The following SUGCT variants were observed in gnomAD, a reference collection of about 807,000 sequenced individuals.
SUGCT encodes the protein succinyl-CoA:glutarate CoA-transferase.
In SUGCT, 41 loss-of-function variants were observed where a neutral mutation model predicts 55.0. The observed-to-expected ratio is 0.74, with a 90% confidence interval of 0.58 to 0.97. SUGCT has a LOEUF of 0.97. Ranked by LOEUF, SUGCT falls within the 50% of genes least tolerant of loss-of-function variation. The pLI is 0.00. For synonymous variants in SUGCT, 187 were observed against 200.4 expected (o/e 0.93, Z 0.56); for missense variants, 568 against 547.8 (o/e 1.04, Z -0.37).
chr7:40,802,642 C>G (rs547700557), intron 13 of SUGCT, among the ~76,000 whole-genome samples: 7 of 152,304 alleles, frequency 4.6e-5, no homozygotes, highest in Admixed American at 2.0e-4. Context: ...CAATTCTGTT[C>G]AAATGGTGGT....
chr7:40,895,526 A>C, the SUGCT span, among the ~76,000 whole-genome samples: 4 of 152,224 alleles, frequency 2.6e-5, no homozygotes, highest in East Asian at 7.7e-4. Flanking sequence ...CGTGGGATGC[A>C]AGGATAGTTC....
chr7:41,036,953 T>C, the SUGCT span, among the ~76,000 whole-genome samples: 1 of 152,236 alleles, frequency 6.6e-6, no homozygotes, highest in South Asian at 2.1e-4. Flanking sequence ...TCACAGACTC[T>C]AACTCAGATG....
the SUGCT span, among the ~76,000 whole-genome samples, chr7:40,909,406 G>A: frequency 6.6e-6 from 1 of 152,148 alleles, no homozygotes; most frequent in African/African-American, 2.4e-5. Flanking sequence ...TCACCCCGGG[G>A]TTCGCTAGGC....
intron 11 of SUGCT, 128 bp from the exon 12 acceptor site, chr7:40,496,156 A>T (rs1791959829): frequency 3.3e-6 from 2 of 604,062 alleles, no homozygotes; most frequent in Admixed American, 5.9e-5. Context: ...CTCTCAAATG[A>T]GGTGTAAAGA....
intron 9 of SUGCT, among the ~76,000 whole-genome samples, chr7:40,414,917 C>T (rs75665599): frequency 6.6e-6 from 1 of 151,600 alleles, no homozygotes; most frequent in South Asian, 2.1e-4. Context: ...TGTTGGCAGG[C>T]GCCCATAATC....
At chr7:40,836,708 C>G (rs1362665717) in intron 13 of SUGCT, among the ~76,000 whole-genome samples, 1 of 152,132 alleles carries the variant, frequency 6.6e-6, no homozygotes, top group Non-Finnish European at 1.5e-5. Context: ...TTATACTGCA[C>G]GTAACTTCTT....
intron 6 of SUGCT, among the ~76,000 whole-genome samples, chr7:40,218,547 G>A (rs1477674913): frequency 6.6e-6 from 1 of 152,178 alleles, no homozygotes; most frequent in African/African-American, 2.4e-5. Flanking sequence ...GCACCAATCA[G>A]CGCTCTGTGT....
Position 40,443,826 on chromosome 7 carries a change from T to C in SUGCT, c.817-5461T>C, listed in dbSNP as rs185499524. Among the ~76,000 whole-genome samples, 1,445 of 152,134 alleles carry C rather than the reference T, an allele frequency of 9.5e-3. 20 individuals carry two copies. The highest frequency in any genetic ancestry group is 0.033 in the African/African-American group (1,373 of 41,542). On this transcript the variant is annotated intron_variant, in intron 9 of 13. Coordinates refer to ENST00000335693, the MANE Select transcript of SUGCT (RefSeq NM_001193313.2). ...CCTATGTCCTGAATGGTATTGCCTA[T>C]GTTTTCTTCTAGGGTTTTTATGGTT...
chr7:40,626,822 T>C (rs1405483980), intron 12 of SUGCT, among the ~76,000 whole-genome samples: 2 of 152,154 alleles, frequency 1.3e-5, no homozygotes, highest in Admixed American at 6.5e-5. Context: ...TACCTGCTTC[T>C]CTAGCTCAGT....
chr7:40,290,981 G>A (rs1793709785), intron 8 of SUGCT, among the ~76,000 whole-genome samples: 1 of 152,162 alleles, frequency 6.6e-6, no homozygotes. Flanking sequence ...AGTTAGAATG[G>A]CGATCATTAA....
At chr7:40,352,113 A>C (rs1415354949) in intron 9 of SUGCT, among the ~76,000 whole-genome samples, 3 of 152,204 alleles carry the variant, frequency 2.0e-5, no homozygotes, top group African/African-American at 7.2e-5. Context: ...ATGAAATGTA[A>C]ATTATCAGAC....
At chr7:40,490,706 A>G (rs1791630043) in intron 11 of SUGCT, among the ~76,000 whole-genome samples, 1 of 152,178 alleles carries the variant, frequency 6.6e-6, no homozygotes, top group Admixed American at 6.5e-5. Context: ...CTCTAAAAGA[A>G]TGGATTTTTA....
rs767692645 is a variant in SUGCT, at chr7:40,860,366, C to G, written c.1204C>G (p.Pro402Ala). ...KFKMSEARPP[P>A]LLGQHTTHIL... Reference sequence around the variant, plus strand: ...CAAGATGTCAGAGGCCAGGCCGCCCCCGCTGCTCGGGCAGCACACAACGCA... The same window carrying G: ...CAAGATGTCAGAGGCCAGGCCGCCCGCGCTGCTCGGGCAGCACACAACGCA... The change falls in exon 14 of 14, where the codon CCG becomes GCG. Residue 402 changes from proline to alanine, a missense_variant. Coordinates refer to ENST00000335693, the MANE Select transcript of SUGCT (RefSeq NM_001193313.2). 8.1e-6 allele frequency: 13 copies of G among 1,613,992 alleles called. No homozygotes were observed. In the East Asian group the frequency reaches 2.9e-4, roughly 36 times the overall value.
At chr7:40,320,297 G>T (rs1393134353) in intron 9 of SUGCT, among the ~76,000 whole-genome samples, 1 of 151,856 alleles carries the variant, frequency 6.6e-6, no homozygotes, top group East Asian at 1.9e-4. Flanking sequence ...GTAGAGATGG[G>T]GTTTCTCCAT....
chr7:40,864,437 C>A (rs189337235), downstream of SUGCT, among the ~76,000 whole-genome samples: 15 of 152,230 alleles, frequency 9.9e-5, no homozygotes, highest in Admixed American at 9.8e-4. Context: ...CAGACATGAG[C>A]CACCATGCCC....
At chr7:40,970,144 G>A in the SUGCT span, among the ~76,000 whole-genome samples, 1 of 152,096 alleles carries the variant, frequency 6.6e-6, no homozygotes, top group African/African-American at 2.4e-5. Flanking sequence ...TTTGTTGAGT[G>A]TGTTTGTACT....
chr7:40,458,266 C>T (rs1322294674), intron 10 of SUGCT, among the ~76,000 whole-genome samples: 1 of 152,204 alleles, frequency 6.6e-6, no homozygotes, highest in East Asian at 1.9e-4. Context: ...CTCCTTGTGA[C>T]TTTCCAATAC....
the SUGCT span, among the ~76,000 whole-genome samples, chr7:40,974,173 T>C: frequency 2.0e-5 from 3 of 152,244 alleles, no homozygotes; most frequent in Non-Finnish European, 4.4e-5. Flanking sequence ...TTTTTCTTTC[T>C]GATCTTGTGG....
At chr7:40,770,198 T>A (rs931515371) in intron 13 of SUGCT, among the ~76,000 whole-genome samples, 3 of 152,158 alleles carry the variant, frequency 2.0e-5, no homozygotes, top group Non-Finnish European at 4.4e-5. Context: ...GTGAGTGGCT[T>A]TTATATTATG....
Sources: allele counts gnomAD v4.1 joint callset (sites outside exome capture counted in the v4.1 genomes callset), GRCh38; gene constraint gnomAD v4.1.1; transcripts MANE v1.5; gene names NCBI Gene and HGNC (gene_info 2026-07-23, HGNC 2026-07-21).